Variants in SOX6 observed in about 807,000 individuals in gnomAD.
SOX6 encodes SRY-box transcription factor 6, also known as transcription factor SOX-6.
Under a neutral mutation model 97.8 loss-of-function variants are expected in SOX6, and 11 were observed. The observed-to-expected ratio is 0.11, with a 90% CI of 0.07 to 0.19. The LOEUF (loss-of-function observed/expected upper bound fraction) is 0.19. Ranked by LOEUF, SOX6 falls within the 10% of genes least tolerant of loss-of-function variation. The pLI is 1.00. For synonymous variants in SOX6, 360 were observed against 371.4 expected (o/e 0.97, Z 0.35); for missense variants, 810 against 1,039.5 (o/e 0.78, Z 3.04).
chr11:16,613,756 T>TC lies in SOX6; in HGVS notation n.430-1497dup, dbSNP rs1447484267. ...CAGAGCATCGGGGAAACTAGACTGT[T>TC]CCGTGGATGAACTGCGAGGATGCCG... On this transcript the variant is annotated intron_variant and non_coding_transcript_variant, in intron 3 of 5. Coordinates refer to the SOX6 transcript ENST00000524520. This position sits in a 1 kb window ranked among gnomAD's most constrained non-coding sequence, Gnocchi z 4.6. Among the ~76,000 whole-genome samples the TC allele has an allele frequency of 6.6e-6, 1 of 152,134 alleles. No individual in the cohort carries two copies. The highest frequency in any genetic ancestry group is 1.5e-5 in the Non-Finnish European group (1 of 68,012).
chr11:16,277,070 A>G, intron 3 of SOX6, among the ~76,000 whole-genome samples: 1 of 152,190 alleles, frequency 6.6e-6, no homozygotes, highest in Non-Finnish European at 1.5e-5. Flanking sequence ...AAACATTGTC[A>G]CCGAAGAATC....
upstream of SOX6, among the ~76,000 whole-genome samples, chr11:16,479,603 T>C (rs1377703127): frequency 1.3e-5 from 2 of 148,758 alleles, no homozygotes; most frequent in Non-Finnish European, 3.0e-5. Context: ...TCCAATAATA[T>C]AAAAATGTAT....
chr11:16,691,961 C>T (rs1848016213), intron 3 of SOX6, among the ~76,000 whole-genome samples: 1 of 152,078 alleles, frequency 6.6e-6, no homozygotes, highest in South Asian at 2.1e-4. Flanking sequence ...CTCCACTTAC[C>T]TCCCTGTTTA....
At chr11:16,583,047 T>A (rs1040069173) in intron 4 of SOX6, among the ~76,000 whole-genome samples, 1 of 152,216 alleles carries the variant, frequency 6.6e-6, no homozygotes, top group Admixed American at 6.5e-5. Flanking sequence ...AAGTGTCAAT[T>A]TACTCATCCA....
intron 1 of SOX6, among the ~76,000 whole-genome samples, chr11:16,461,315 CT>C (rs11315675): frequency 0.16 from 24,564 of 151,866 alleles, 2,030 homozygotes; most frequent in Non-Finnish European, 0.17. Context: ...TGTAGCTTCT[CT>C]TTTTTTTAAC....
chr11:16,426,682 A>G (rs1859144269), intron 1 of SOX6, among the ~76,000 whole-genome samples: 1 of 151,996 alleles, frequency 6.6e-6, no homozygotes, highest in Admixed American at 6.6e-5. Flanking sequence ...TGGGAGGCCG[A>G]GGCGGGCGGA....
chr11:16,090,405 G>T (rs1848659591), intron 9 of SOX6, among the ~76,000 whole-genome samples: 1 of 152,058 alleles, frequency 6.6e-6, no homozygotes, highest in Non-Finnish European at 1.5e-5. Context: ...CAATGTTTTA[G>T]TTTGAGGGTG....
At chr11:16,542,085 C>T (rs1312875491) in intron 4 of SOX6, among the ~76,000 whole-genome samples, 1 of 152,156 alleles carries the variant, frequency 6.6e-6, no homozygotes, top group Non-Finnish European at 1.5e-5. Flanking sequence ...CAGTGATAGA[C>T]TGGATTAAGA....
At chr11:16,153,822 C>CT (rs1408912916) in intron 6 of SOX6, among the ~76,000 whole-genome samples, 1 of 151,860 alleles carries the variant, frequency 6.6e-6, no homozygotes, top group Non-Finnish European at 1.5e-5. Flanking sequence ...TGAGGAAAAT[C>CT]TAAGCATTTT....
intron 1 of SOX6, among the ~76,000 whole-genome samples, chr11:16,424,446 T>C (rs1859084125): frequency 6.7e-6 from 1 of 148,542 alleles, no homozygotes; most frequent in Non-Finnish European, 1.5e-5. Context: ...CTCGTTCTAC[T>C]TCCCAAAGCC....
intron 3 of SOX6, among the ~76,000 whole-genome samples, chr11:16,679,350 C>T (rs528479134): frequency 6.6e-5 from 10 of 152,190 alleles, no homozygotes; most frequent in Non-Finnish European, 1.0e-4. Context: ...CTCCAGCAAA[C>T]TCCAACAGAC....
At chr11:16,700,071 T>G (rs1441705744) in intron 3 of SOX6, among the ~76,000 whole-genome samples, 2 of 152,088 alleles carry the variant, frequency 1.3e-5, no homozygotes, top group Non-Finnish European at 2.9e-5. Context: ...AAATACAGCA[T>G]GTACAAATCA....
chr11:16,703,121 T>G lies in SOX6; in HGVS notation n.429+11709A>C, dbSNP rs139564449. On this transcript the variant is annotated intron_variant and non_coding_transcript_variant, in intron 3 of 5. Transcript: ENST00000524520. The stretch of plus-strand genomic sequence containing the variant: ...TATGTTTGTACTTTAATAAGTTACA[T>G]AGTATATGCATAGCATGGTTTACTA... 6.0e-3 allele frequency among the ~76,000 whole-genome samples: 917 copies of G among 152,020 alleles called. 4 individuals are homozygous for G. Among genetic ancestry groups the G allele is most frequent in the Non-Finnish European group, 0.011 (731 of 67,924 alleles).
At chr11:16,155,252 GCA>G (rs1467131459) in intron 6 of SOX6, among the ~76,000 whole-genome samples, 5 of 152,054 alleles carry the variant, frequency 3.3e-5, no homozygotes, top group Non-Finnish European at 7.4e-5. Flanking sequence ...GTGGTTAAGA[GCA>G]CACATCCTAG....
chr11:16,004,761 A>G (rs1854501888), intron 13 of SOX6, among the ~76,000 whole-genome samples: 1 of 152,106 alleles, frequency 6.6e-6, no homozygotes. Flanking sequence ...TAGTCAGCTC[A>G]TCTTGGAGAA....
chr11:16,318,019 T>C (rs1855801314), intron 3 of SOX6: 1 of 433,380 alleles, frequency 2.3e-6, no homozygotes, highest in South Asian at 1.7e-5. Flanking sequence ...TGTTAGGAGA[T>C]AAATAATATA....
chr11:16,083,465 G>A (rs1848515081), intron 9 of SOX6, among the ~76,000 whole-genome samples: 1 of 152,120 alleles, frequency 6.6e-6, no homozygotes, highest in South Asian at 2.1e-4. Context: ...ATTTTCATTA[G>A]ATTGGTATAT....
chr11:16,344,855 CT>C (rs1856735401), intron 1 of SOX6, among the ~76,000 whole-genome samples: 1 of 151,718 alleles, frequency 6.6e-6, no homozygotes, highest in Non-Finnish European at 1.5e-5. Flanking sequence ...GTTATACCCC[CT>C]GAAAACAGGG....
chr11:16,563,746 A>G (rs959099042), intron 4 of SOX6, among the ~76,000 whole-genome samples: 7 of 152,236 alleles, frequency 4.6e-5, no homozygotes, highest in South Asian at 2.1e-4. Context: ...ACATACATAC[A>G]TAAACCTACA....
Sources: gnomAD v4.1 joint callset for allele counts (sites outside exome capture counted in the v4.1 genomes callset) on GRCh38, gnomAD v4.1.1 for gene constraint, Gnocchi (gnomAD v3.1) non-coding constraint, MANE v1.5 for transcripts, NCBI Gene and HGNC (gene_info 2026-07-23, HGNC 2026-07-21) for gene names.